The following SIK2 variants were observed in gnomAD, a reference collection of about 807,000 sequenced individuals.
The protein encoded by SIK2 is serine/threonine-protein kinase SIK2.
A neutral mutation model predicts 103.2 loss-of-function variants in SIK2; 29 were observed. The observed-to-expected ratio is 0.28, with a 90% CI of 0.21 to 0.38. The LOEUF (loss-of-function observed/expected upper bound fraction) is 0.38, where lower values mean the gene tolerates loss of function less well. Among genes scored for constraint, SIK2 ranks in the 10% least tolerant of loss-of-function variants. SIK2 has a pLI of 1.00. For synonymous variants in SIK2, 412 were observed against 446.1 expected, an observed-to-expected ratio of 0.92 and a Z score of 0.96; for missense variants, 879 against 1,171.0, an observed-to-expected ratio of 0.75 and a Z score of 3.64.
chr11:111,723,364 TC>T, intron 14 of SIK2, 131 bp from the exon 15 acceptor site: 5 of 974,840 alleles, frequency 5.1e-6, no homozygotes, highest in Non-Finnish European at 7.5e-6. Context: ...TGGTTCCCAT[TC>T]CCACTTGTTT....
chr11:111,636,583 G>A (rs1942111775), intron 3 of SIK2, among the ~76,000 whole-genome samples: 1 of 152,112 alleles, frequency 6.6e-6, no homozygotes, highest in Non-Finnish European at 1.5e-5. Flanking sequence ...AAGGTAAGAT[G>A]GATAGGAAGG....
In SIK2 at chr11:111,706,452, G is replaced by T. The variant is rs71476998; in HGVS notation, c.1101+1313G>T. ...GAATGGTTGGTTAGTATGCTCCATT[G>T]ACTTTCCTGTCTACTTCTGTAACTG... On this transcript the variant is annotated intron_variant, in intron 8 of 14. Transcript: ENST00000304987. Among the ~76,000 whole-genome samples the T allele has an allele frequency of 7.5e-3, 1,136 of 152,244 alleles. 14 individuals are homozygous for T. The highest frequency in any genetic ancestry group is 0.012 in the Non-Finnish European group (791 of 68,012).
chr11:111,616,092 T>C, intron 1 of SIK2, 151 bp from the exon 2 acceptor site: 1 of 592,702 alleles, frequency 1.7e-6, no homozygotes, highest in Non-Finnish European at 3.0e-6. Context: ...TTAAGAAATA[T>C]TTGTTGAATG....
chr11:111,721,868 C>T lies in SIK2; in HGVS notation c.1983C>T (p.Leu661=). The T allele has an allele frequency of 6.2e-7, 1 of 1,613,086 alleles. No individual in the cohort carries two copies. Among genetic ancestry groups the T allele is most frequent in the Middle Eastern group, 1.7e-4 (1 of 6,058 alleles). ...AGCAGCAGGAAAGCGTCTCCACTCT[C>T]CCTGCCAGCGTGCATCCCCAGCTGT... ...VSQQQESVST[L]PASVHPQLSP... is the part of the protein sequence containing the mutation. Residue 661 remains leucine, a synonymous_variant, in exon 13 of 15, where the codon CTC becomes CTT. Coordinates refer to ENST00000304987, the MANE Select transcript of SIK2 (RefSeq NM_015191.3).
intron 4 of SIK2, among the ~76,000 whole-genome samples, chr11:111,697,038 A>G (rs1021562279): frequency 5.3e-5 from 8 of 152,288 alleles, no homozygotes; most frequent in African/African-American, 1.9e-4. Flanking sequence ...GACAATTATT[A>G]ACTTCTTCAA....
At position 111,724,450 on chromosome 11, in the gene SIK2, G is replaced by A. The variant is rs1943906785; in HGVS notation, c.*321G>A. On this transcript the variant is annotated 3_prime_UTR_variant, in exon 15 of 15. Transcript: ENST00000304987. ...GACATTCAGACCCAGGTGTTATGCA[G>A]GATTACATCCGTTTATTATCAAGGG... The A allele has an allele frequency of 3.0e-6, 1 of 332,898 alleles. No individual in the cohort carries two copies. The highest frequency in any genetic ancestry group is 2.1e-5 in the African/African-American group (1 of 48,278). 20.6% of individuals were successfully genotyped at this position (332,898 alleles called of 1,614,324 possible).
chr11:111,679,723 A>C (rs921065486), intron 3 of SIK2, among the ~76,000 whole-genome samples: 1 of 152,198 alleles, frequency 6.6e-6, no homozygotes, highest in Non-Finnish European at 1.5e-5. Flanking sequence ...AAACAGTTCA[A>C]ATTATTTCAT....
intron 3 of SIK2, among the ~76,000 whole-genome samples, chr11:111,681,462 AT>A (rs1276489095): frequency 3.9e-5 from 6 of 151,984 alleles, no homozygotes; most frequent in African/African-American, 1.2e-4. Context: ...GTGATAGTTT[AT>A]TTTTTTTAGA....
chr11:111,722,719 C>T lies in SIK2; in HGVS notation c.2110C>T (p.Pro704Ser). Reference protein sequence around the residue: ...QNTCQLYCKEPPRSLEQQLQE... With the variant: ...QNTCQLYCKESPRSLEQQLQE... ...CACCTGTCAGCTTTATTGCAAAGAA[C>T]CACCGCGGAGCCTTGAGCAGCAGCT... Residue 704 changes from proline (P) to serine (S), a missense_variant, in exon 14 of 15, where the codon CCA (proline) becomes TCA (serine). Physicochemically the swap from Pro to Ser is moderately conservative, Grantham distance 74. Coordinates refer to ENST00000304987, the MANE Select transcript of SIK2 (RefSeq NM_015191.3). The surrounding 1 kb of genome is among the most constrained non-coding windows in gnomAD (Gnocchi z 4.4). 6.2e-7 allele frequency: 1 copy of T among 1,614,148 alleles called. No individual in the cohort carries two copies. Among genetic ancestry groups the T allele is most frequent in the Non-Finnish European group, 8.5e-7 (1 of 1,179,994 alleles).
chr11:111,614,233 A>G (rs1348392175), intron 1 of SIK2, among the ~76,000 whole-genome samples: 1 of 151,782 alleles, frequency 6.6e-6, no homozygotes, highest in East Asian at 1.9e-4. Context: ...ACAGGCACCC[A>G]CCACCATGCC....
At position 111,703,260 on chromosome 11, in the gene SIK2, T is replaced by C; in HGVS notation, c.785T>C (p.Ile262Thr). 6.2e-7 allele frequency: 1 copy of C among 1,614,156 alleles called. No homozygotes were observed. The highest frequency in any genetic ancestry group is 8.5e-7 in the Non-Finnish European group (1 of 1,180,016). The change falls in exon 7 of 15, where the codon ATA (isoleucine) becomes ACA (threonine). Residue 262 changes from isoleucine (I) to threonine (T), a missense_variant. Physicochemically the swap from Ile to Thr is moderately conservative, Grantham distance 89. Coordinates refer to ENST00000304987, the MANE Select transcript of SIK2 (RefSeq NM_015191.3). ...CTAGACCCATCCAAACGGCTAACCA[T>C]AGCCCAAATCAAGGAGCATAAATGG... ...LVLDPSKRLT[I>T]AQIKEHKWML...
At chr11:111,692,487 C>A (rs570288860) in intron 4 of SIK2, among the ~76,000 whole-genome samples, 1 of 148,580 alleles carries the variant, frequency 6.7e-6, no homozygotes. Flanking sequence ...GAGGCCAGAG[C>A]GAATTGGAGT....
intron 3 of SIK2, among the ~76,000 whole-genome samples, chr11:111,629,839 A>G (rs1267176797): frequency 6.6e-6 from 1 of 152,216 alleles, no homozygotes; most frequent in Admixed American, 6.5e-5. Flanking sequence ...GCTGTGAAGC[A>G]ACTAGAACTC....
intron 3 of SIK2, among the ~76,000 whole-genome samples, chr11:111,676,225 C>T (rs1591611464): frequency 6.6e-6 from 1 of 152,262 alleles, no homozygotes; most frequent in East Asian, 1.9e-4. Flanking sequence ...TGAATATACA[C>T]ATGCATATGT....
chr11:111,697,326 T>G (rs917060306), intron 4 of SIK2, among the ~76,000 whole-genome samples: 7 of 152,218 alleles, frequency 4.6e-5, no homozygotes, highest in African/African-American at 1.7e-4. Flanking sequence ...TAGCAGATCT[T>G]TATCGAGCAG....
chr11:111,671,949 G>A, intron 3 of SIK2: 1 of 490,850 alleles, frequency 2.0e-6, no homozygotes, highest in Non-Finnish European at 4.0e-6. Flanking sequence ...ACCAAAGGGT[G>A]TTGATGTGGC....
In SIK2 at chr11:111,724,467, T is replaced by C. The variant is rs954025660; in HGVS notation, c.*338T>C. On this transcript the variant is annotated 3_prime_UTR_variant, in exon 15 of 15. Transcript: ENST00000304987. ...GTTATGCAGGATTACATCCGTTTAT[T>C]ATCAAGGGCAACCTTGGTGAAAGCA... 75 of 289,902 alleles carry C rather than the reference T, an allele frequency of 2.6e-4. No homozygotes were observed. Among genetic ancestry groups the C allele is most frequent in the Non-Finnish European group, 5.2e-5 (8 of 153,260 alleles). The allele number at this position is 289,902 out of a possible 1,614,324, so 18.0% of individuals were successfully genotyped here. A position where few individuals can be genotyped will look rare whatever the true frequency, so the allele number is the denominator to read the frequency against.
chr11:111,612,118 A>G (rs78960229), intron 1 of SIK2, among the ~76,000 whole-genome samples: 408 of 152,322 alleles, frequency 2.7e-3, no homozygotes, highest in African/African-American at 9.1e-3. Flanking sequence ...ATGTATTACT[A>G]CAAGACCCTT....
At chr11:111,647,137 A>G (rs1336851948) in intron 3 of SIK2, among the ~76,000 whole-genome samples, 26 of 152,234 alleles carry the variant, frequency 1.7e-4, no homozygotes, top group Admixed American at 1.7e-3. Flanking sequence ...ATAGTAGTCC[A>G]TCAATTAAAC....
Sources: allele counts gnomAD v4.1 joint callset (sites outside exome capture counted in the v4.1 genomes callset), GRCh38; gene constraint gnomAD v4.1.1; non-coding constraint Gnocchi (gnomAD v3.1); transcripts MANE v1.5; gene names NCBI Gene and HGNC (gene_info 2026-07-23, HGNC 2026-07-21).